The following LRRC20 variants were observed in gnomAD, a reference collection of about 807,000 sequenced individuals.
The protein encoded by LRRC20 is leucine-rich repeat-containing protein 20.
In LRRC20, 11 loss-of-function variants were observed where a neutral mutation model predicts 14.4. The ratio of observed to expected loss-of-function variants is 0.77; its 90% confidence interval spans 0.48 to 1.27. LRRC20 has a LOEUF of 1.27. Among genes scored for constraint, LRRC20 ranks in the 50% most tolerant of loss-of-function variants. The probability of loss-of-function intolerance (pLI) is 0.00; values close to 1 mark genes in which losing one functional copy is unlikely to be tolerated. For synonymous variants in LRRC20, 121 were observed against 107.3 expected (o/e 1.13, Z -0.79); for missense variants, 219 against 251.2 (o/e 0.87, Z 0.87).
At chr10:70,315,573 T>C (rs1211804621) in intron 4 of LRRC20, among the ~76,000 whole-genome samples, 1 of 152,192 alleles carries the variant, frequency 6.6e-6, no homozygotes, top group African/African-American at 2.4e-5. Flanking sequence ...ATAGACAGGA[T>C]TGCTAACATT....
chr10:70,347,281 G>T (rs1843108485), intron 2 of LRRC20, among the ~76,000 whole-genome samples: 1 of 152,170 alleles, frequency 6.6e-6, no homozygotes, highest in African/African-American at 2.4e-5. Flanking sequence ...GCATTGGGCT[G>T]GGGCAGAGCT....
At chr10:70,315,563 A>G (rs1239898650) in intron 4 of LRRC20, among the ~76,000 whole-genome samples, 1 of 152,142 alleles carries the variant, frequency 6.6e-6, no homozygotes, top group Non-Finnish European at 1.5e-5. Flanking sequence ...CGTTATTCCT[A>G]TAGACAGGAT....
At chr10:70,336,484 T>A (rs1310759637) in intron 3 of LRRC20, among the ~76,000 whole-genome samples, 1 of 152,200 alleles carries the variant, frequency 6.6e-6, no homozygotes, top group Non-Finnish European at 1.5e-5. Flanking sequence ...CTATAACAAC[T>A]GGTCCCAAAT....
chr10:70,325,376 T>TC (rs1347611833), intron 3 of LRRC20, among the ~76,000 whole-genome samples: 1 of 152,080 alleles, frequency 6.6e-6, no homozygotes, highest in African/African-American at 2.4e-5. Context: ...CCGCCTGGCC[T>TC]CCCCCTCCCA....
At chr10:70,352,725 G>C (rs929978106) in intron 2 of LRRC20, among the ~76,000 whole-genome samples, 1 of 152,122 alleles carries the variant, frequency 6.6e-6, no homozygotes, top group Non-Finnish European at 1.5e-5. Context: ...AATTTTGCTT[G>C]TGAACCTTGT....
chr10:70,332,904 C>T (rs1263945167), intron 3 of LRRC20, among the ~76,000 whole-genome samples: 1 of 152,166 alleles, frequency 6.6e-6, no homozygotes, highest in Non-Finnish European at 1.5e-5. Flanking sequence ...CCTTTCAATC[C>T]TCAAAATATC....
intron 2 of LRRC20, among the ~76,000 whole-genome samples, chr10:70,353,539 TC>T (rs1259041089): frequency 6.6e-6 from 1 of 152,174 alleles, no homozygotes; most frequent in Non-Finnish European, 1.5e-5. Flanking sequence ...TGCCTCAGCC[TC>T]CTGAGTAGCT....
intron 4 of LRRC20, among the ~76,000 whole-genome samples, chr10:70,312,546 A>G (rs953713564): frequency 3.3e-5 from 5 of 152,184 alleles, no homozygotes; most frequent in African/African-American, 1.2e-4. Flanking sequence ...CCAGGAGCAC[A>G]CTGCACAGCC....
At chr10:70,316,875 C>G (rs1841884410) in intron 4 of LRRC20, among the ~76,000 whole-genome samples, 2 of 152,364 alleles carry the variant, frequency 1.3e-5, no homozygotes, top group Non-Finnish European at 2.9e-5. Context: ...CTGCAGACAC[C>G]AAGCAAGGGC....
At chr10:70,353,068 C>T (rs1227241553) in intron 2 of LRRC20, among the ~76,000 whole-genome samples, 1 of 152,142 alleles carries the variant, frequency 6.6e-6, no homozygotes, top group South Asian at 2.1e-4. Flanking sequence ...TTCTCCTGCA[C>T]CGGTGTTGAG....
At chr10:70,373,921 T>C (rs1844402673) in intron 2 of LRRC20, among the ~76,000 whole-genome samples, 1 of 152,202 alleles carries the variant, frequency 6.6e-6, no homozygotes, top group African/African-American at 2.4e-5. Flanking sequence ...GGTCGCAGCA[T>C]GCCCTGCCCT....
At chr10:70,326,297 T>TACACACACACACACACACACAC (rs3998644) in intron 3 of LRRC20, among the ~76,000 whole-genome samples, 3 of 140,382 alleles carry the variant, frequency 2.1e-5, no homozygotes, top group Admixed American at 7.1e-5. Flanking sequence ...CGCCTCTGTG[T>TACACACACACACACACACACAC]ACACACACAC....
rs905742837 is a variant in LRRC20, at chr10:70,372,669, C to T, written c.82+3783G>A. 2.0e-5 allele frequency among the ~76,000 whole-genome samples: 3 copies of T among 151,986 alleles called. No individual in the cohort carries two copies. The South Asian group carries it at 6.2e-4, about 32-fold the overall frequency. On this transcript the variant is annotated intron_variant, in intron 2 of 4. Transcript: ENST00000446961. ...ATGTTAGCCAGGATGGTTTCGATCT[C>T]CTGACCTTGTGATCCGCCCGCCTCG...
intron 2 of LRRC20, among the ~76,000 whole-genome samples, chr10:70,374,438 T>C (rs556595775): frequency 6.6e-6 from 1 of 150,528 alleles, no homozygotes; most frequent in South Asian, 2.1e-4. Flanking sequence ...GCAACCTCCA[T>C]CTCCTGGGTT....
chr10:70,342,588 A>G (rs2137027173), intron 2 of LRRC20, among the ~76,000 whole-genome samples: 1 of 152,314 alleles, frequency 6.6e-6, no homozygotes, highest in Non-Finnish European at 1.5e-5. Context: ...CCACAGAATG[A>G]AGGTACCACC....
chr10:70,302,713 CTTT>C (rs766170383), intron 4 of LRRC20, among the ~76,000 whole-genome samples: 6 of 140,130 alleles, frequency 4.3e-5, no homozygotes, highest in Non-Finnish European at 3.1e-5. Flanking sequence ...GTCTCTATTT[CTTT>C]TTTTTTTTTT....
intron 2 of LRRC20, among the ~76,000 whole-genome samples, chr10:70,360,330 G>C (rs1177937196): frequency 6.6e-6 from 1 of 152,044 alleles, no homozygotes; most frequent in South Asian, 2.1e-4. Context: ...TGGGATTACA[G>C]GTGTGAGTCA....
chr10:70,353,504 G>A (rs919707962), intron 2 of LRRC20, among the ~76,000 whole-genome samples: 11 of 151,588 alleles, frequency 7.3e-5, no homozygotes, highest in Non-Finnish European at 1.0e-4. Flanking sequence ...TGCAACCTCC[G>A]CCTCCTGGGT....
In LRRC20 at chr10:70,347,705, G is replaced by A. The variant is rs146518790; in HGVS notation, c.83-7003C>T. On this transcript the variant is annotated intron_variant, in intron 2 of 4. Transcript: ENST00000446961. ...TGTGGTGGCGCGTCCTATAATCCCA[G>A]CTACTTGGGGGGCTGAGGTGGGAGA... Among the ~76,000 whole-genome samples, 4 of 151,850 alleles carry A rather than the reference G, an allele frequency of 2.6e-5. No individual in the cohort carries two copies. The East Asian group carries it at 7.7e-4, about 29-fold the overall frequency.
Sources: gnomAD v4.1 joint callset for allele counts (sites outside exome capture counted in the v4.1 genomes callset) on GRCh38, gnomAD v4.1.1 for gene constraint, MANE v1.5 for transcripts, NCBI Gene and HGNC (gene_info 2026-07-23, HGNC 2026-07-21) for gene names.